The following CYP1A1 variants were observed in gnomAD, a reference collection of about 807,000 sequenced individuals.
CYP1A1 encodes the protein cytochrome P450 1A1.
Under a neutral mutation model 33.6 loss-of-function variants are expected in CYP1A1, and 43 were observed. The ratio of observed to expected loss-of-function variants is 1.28; its 90% CI spans 1.00 to 1.65. The LOEUF is 1.65. Among genes scored for constraint, CYP1A1 ranks in the 40% most tolerant of loss-of-function variants. CYP1A1 has a pLI of 0.00. For synonymous variants in CYP1A1, 280 were observed against 257.8 expected, an observed-to-expected ratio of 1.09 and a Z score of -0.83; for missense variants, 637 against 653.7, an observed-to-expected ratio of 0.97 and a Z score of 0.28.
rs576754848 is a variant in CYP1A1, at chr15:74,719,779, C to T, written c.*710G>A. 1 of 152,086 alleles carries T rather than the reference C, an allele frequency of 6.6e-6. No individual in the cohort carries two copies. Among genetic ancestry groups the T allele is most frequent in the Non-Finnish European group, 1.5e-5 (1 of 68,016 alleles). 9.4% of individuals were successfully genotyped at this position (152,086 alleles called of 1,614,324 possible). A position where few individuals can be genotyped will look rare whatever the true frequency, so the allele number is the denominator to read the frequency against. On this transcript the variant is annotated 3_prime_UTR_variant, in exon 7 of 7. Coordinates refer to ENST00000379727, the MANE Select transcript of CYP1A1 (RefSeq NM_001319217.2). ...AATAGAAGGTAATTGAAATACCCCC[C>T]CCTCACTCCAGCCCTAGTCCTGGTG...
rs778141626 is a variant in CYP1A1, at chr15:74,722,996, G to T, written c.102C>A (p.Pro34=). The T allele has an allele frequency of 3.7e-6, 6 of 1,613,874 alleles. No homozygotes were observed. The Admixed American group carries it at 1.0e-4, about 27-fold the overall frequency. Residue 34 remains proline (P), a synonymous_variant, in exon 2 of 7, where the codon CCC becomes CCA. Coordinates refer to ENST00000379727, the MANE Select transcript of CYP1A1 (RefSeq NM_001319217.2). ...GCCCTGGTGGATTCTTCAGGCCTTT[G>T]GGGACCTGAGGTCTTGAGGCCCTGA... is the stretch of plus-strand genomic sequence containing the variant. ...WVIRASRPQV[P]KGLKNPPGPW... is the part of the protein sequence containing the mutation.
At position 74,721,217 on chromosome 15, in the gene CYP1A1, G is replaced by T. The variant is rs778494829; in HGVS notation, c.1148C>A (p.Pro383His). 4.3e-6 allele frequency: 7 copies of T among 1,613,224 alleles called. No homozygotes were observed. The Admixed American group carries it at 1.0e-4, about 23-fold the overall frequency. Reference sequence around the variant, plus strand: ...GCCTTACCTGTGGGGGATGGTGAAGGGGACGAAGGAAGAGTGTCGGAAGGT... The same window carrying T: ...GCCTTACCTGTGGGGGATGGTGAAGTGGACGAAGGAAGAGTGTCGGAAGGT... ...LETFRHSSFVPFTIPHSTTRD... is the reference protein window; with the variant it reads ...LETFRHSSFVHFTIPHSTTRD... Residue 383 changes from proline (P) to histidine (H), a missense_variant, in exon 5 of 7, where the codon CCC becomes CAC. Pro to His is a moderately conservative substitution (Grantham distance 77, BLOSUM62 -2). Coordinates refer to ENST00000379727, the MANE Select transcript of CYP1A1 (RefSeq NM_001319217.2).
At chr15:74,721,764 C>T in intron 2 of CYP1A1, 47 bp from the exon 3 acceptor site, 1 of 1,602,674 alleles carries the variant, frequency 6.2e-7, no homozygotes. Context: ...AAACCCAGAG[C>T]TACCTCTCCA....
Position 74,721,726 on chromosome 15 carries a change from G to C in CYP1A1, c.826-9C>G. The C allele has an allele frequency of 1.9e-6, 3 of 1,613,346 alleles. No homozygotes were observed. The highest frequency in any genetic ancestry group is 4.5e-5 in the East Asian group (2 of 44,902). ...ATGTCCCGGATGTGGCCCTTAGGTA[G>C]GGAAAGTCCACAGGTGAGCAAGATC... On this transcript the variant is annotated splice_polypyrimidine_tract_variant and intron_variant, in intron 2 of 6. Transcript: ENST00000379727.
Sources: allele counts gnomAD v4.1 joint callset, GRCh38; gene constraint gnomAD v4.1.1; transcripts MANE v1.5; gene names NCBI Gene and HGNC (gene_info 2026-07-23, HGNC 2026-07-21).